The following RHOU variants were observed in gnomAD, a reference collection of about 807,000 sequenced individuals.
The protein encoded by RHOU is ras homolog family member U, also known as rho-related GTP-binding protein RhoU.
In RHOU, 8 loss-of-function variants were observed where a neutral mutation model predicts 12.6. The observed-to-expected ratio is 0.64, with a 90% CI of 0.37 to 1.15. The LOEUF (loss-of-function observed/expected upper bound fraction) is 1.15. Ranked by LOEUF, RHOU falls within the 50% of genes most tolerant of loss-of-function variation. The pLI is 0.01. For synonymous variants in RHOU, 161 were observed against 147.4 expected, an observed-to-expected ratio of 1.09 and a Z score of -0.67; for missense variants, 258 against 347.0, an observed-to-expected ratio of 0.74 and a Z score of 2.04.
chr1:228,701,809 C>CT, the RHOU span, among the ~76,000 whole-genome samples: 29 of 150,938 alleles, frequency 1.9e-4, no homozygotes, highest in Non-Finnish European at 3.3e-4. Flanking sequence ...TCTTTTACAG[C>CT]TTTTTTTTAA....
chr1:228,713,630 G>A, the RHOU span, among the ~76,000 whole-genome samples: 2 of 152,060 alleles, frequency 1.3e-5, no homozygotes, highest in African/African-American at 2.4e-5. Flanking sequence ...ACCACGCCCA[G>A]CCTGTAATAT....
the RHOU span, among the ~76,000 whole-genome samples, chr1:228,673,577 G>C: frequency 1.3e-5 from 2 of 152,150 alleles, no homozygotes; most frequent in East Asian, 3.8e-4. Context: ...TCATGAGAGA[G>C]TTTTCAAGAG....
chr1:228,660,090 G>T, the RHOU span, among the ~76,000 whole-genome samples: 3 of 152,102 alleles, frequency 2.0e-5, no homozygotes, highest in South Asian at 6.2e-4. Flanking sequence ...GGAGGTGGAG[G>T]TTGTAGTGAG....
the RHOU span, among the ~76,000 whole-genome samples, chr1:228,706,336 C>G: frequency 6.6e-6 from 1 of 152,124 alleles, no homozygotes; most frequent in African/African-American, 2.4e-5. Flanking sequence ...TTGGGTTGCC[C>G]CCTGAACCAG....
At chr1:228,654,805 C>T in the RHOU span, among the ~76,000 whole-genome samples, 1 of 152,096 alleles carries the variant, frequency 6.6e-6, no homozygotes, top group Middle Eastern at 3.2e-3. Flanking sequence ...TTTTAGATAG[C>T]ATTCTTGGCT....
the RHOU span, among the ~76,000 whole-genome samples, chr1:228,646,882 C>T: frequency 6.6e-6 from 1 of 151,556 alleles, no homozygotes; most frequent in African/African-American, 2.4e-5. Flanking sequence ...AGATAGAAAC[C>T]GAGGGAGGGA....
At chr1:228,717,498 C>T in the RHOU span, among the ~76,000 whole-genome samples, 2 of 152,228 alleles carry the variant, frequency 1.3e-5, no homozygotes, top group Non-Finnish European at 2.9e-5. Flanking sequence ...CACACACCTC[C>T]TTAGAATATG....
the RHOU span, among the ~76,000 whole-genome samples, chr1:228,715,103 T>C: frequency 1.3e-5 from 2 of 152,096 alleles, no homozygotes; most frequent in African/African-American, 2.4e-5. Flanking sequence ...ATTTTTTTTT[T>C]CCTGTCACAC....
chr1:228,736,186 G>A (rs1016004782), intron 1 of RHOU, among the ~76,000 whole-genome samples, 182 bp downstream of exon 1: 2 of 149,750 alleles, frequency 1.3e-5, no homozygotes, highest in Non-Finnish European at 2.9e-5. Context: ...CCGGGCAAGC[G>A]CGGAGCTAAC....
the RHOU span, chr1:228,687,478 A>C: frequency 7.6e-6 from 12 of 1,576,140 alleles, no homozygotes; most frequent in Non-Finnish European, 4.3e-6. Context: ...GAACATGCTG[A>C]GAAACTGATG....
chr1:228,678,568 G>A, the RHOU span, among the ~76,000 whole-genome samples: 2 of 152,154 alleles, frequency 1.3e-5, no homozygotes, highest in African/African-American at 4.8e-5. Flanking sequence ...TTATTAAAGA[G>A]GCATTAATGA....
At chr1:228,720,686 A>G in the RHOU span, among the ~76,000 whole-genome samples, 198 of 152,336 alleles carry the variant, frequency 1.3e-3, no homozygotes, top group African/African-American at 4.7e-3. Context: ...TGAGAAAATA[A>G]ATTTCTGTGG....
chr1:228,677,465 A>G, the RHOU span, among the ~76,000 whole-genome samples: 1 of 152,124 alleles, frequency 6.6e-6, no homozygotes, highest in African/African-American at 2.4e-5. Flanking sequence ...TGATTTAGGT[A>G]AAAACAACAC....
At chr1:228,657,652 T>C in the RHOU span, among the ~76,000 whole-genome samples, 6 of 152,130 alleles carry the variant, frequency 3.9e-5, no homozygotes, top group African/African-American at 1.4e-4. Flanking sequence ...AACAAGGACT[T>C]GAACAACACA....
At position 228,743,847 on chromosome 1, in the gene RHOU, T is replaced by A; in HGVS notation, c.*107T>A. On this transcript the variant is annotated 3_prime_UTR_variant, in exon 3 of 3. Transcript: ENST00000366691. This position sits in a 1 kb window ranked among gnomAD's most constrained non-coding sequence, Gnocchi z 5.1. The stretch of plus-strand genomic sequence containing the variant: ...GCGTAGAACCTATATCGAGAGTGTG[T>A]GTATATGTATTATAGGAGGAGCTCT... The A allele has an allele frequency of 1.1e-6, 1 of 920,510 alleles. No homozygotes were observed. The highest frequency in any genetic ancestry group is 1.6e-6 in the Non-Finnish European group (1 of 612,992). 57.0% of individuals were successfully genotyped at this position (920,510 alleles called of 1,614,324 possible). A position where few individuals can be genotyped will look rare whatever the true frequency, so the allele number is the denominator to read the frequency against.
chr1:228,718,785 T>C, the RHOU span, among the ~76,000 whole-genome samples: 4 of 152,154 alleles, frequency 2.6e-5, no homozygotes, highest in Non-Finnish European at 5.9e-5. Context: ...AGGTTGGTTG[T>C]AGACTGCTAT....
chr1:228,742,536 A>T (rs1662745545), intron 2 of RHOU, among the ~76,000 whole-genome samples: 1 of 152,208 alleles, frequency 6.6e-6, no homozygotes. Flanking sequence ...GCAAGGATAA[A>T]GGAAGTAGGA....
At chr1:228,681,762 A>T in the RHOU span, among the ~76,000 whole-genome samples, 1 of 152,168 alleles carries the variant, frequency 6.6e-6, no homozygotes, top group Admixed American at 6.5e-5. Context: ...TAAGCTCTTG[A>T]GAACACAGGC....
At chr1:228,646,856 G>C in the RHOU span, among the ~76,000 whole-genome samples, 6 of 152,032 alleles carry the variant, frequency 3.9e-5, no homozygotes, top group East Asian at 9.8e-4. Flanking sequence ...GGAGAGCAAG[G>C]AGAAGATGGA....
Sources: allele counts gnomAD v4.1 joint callset (sites outside exome capture counted in the v4.1 genomes callset), GRCh38; gene constraint gnomAD v4.1.1; non-coding constraint Gnocchi (gnomAD v3.1); transcripts MANE v1.5; gene names NCBI Gene and HGNC (gene_info 2026-07-23, HGNC 2026-07-21).